The following FGF13 variants were observed in gnomAD, a reference collection of about 807,000 sequenced individuals.
FGF13 encodes the protein fibroblast growth factor 13.
FGF13 carries 2 observed loss-of-function variants against 19.5 expected under a neutral mutation model. That is an observed-to-expected ratio of 0.10 (90% CI 0.04 to 0.32). The LOEUF is 0.32. FGF13 is among the 10% of genes least tolerant of loss of function. The probability of loss-of-function intolerance (pLI) is 1.00; values close to 1 mark genes in which losing one functional copy is unlikely to be tolerated. For synonymous variants in FGF13, 72 were observed against 76.9 expected (o/e 0.94, Z 0.33); for missense variants, 113 against 192.7 (o/e 0.59, Z 2.45).
chrX:138,905,130 T>C (rs5976218), intron 1 of FGF13, among the ~76,000 whole-genome samples: 1,888 of 110,949 alleles, frequency 0.017, 45 homozygotes, highest in African/African-American at 0.057. Context: ...AGAATTCCCC[T>C]AAAATCTGGG....
chrX:139,124,653 C>G (rs961429575), intron 1 of FGF13, among the ~76,000 whole-genome samples: 2 of 111,981 alleles, frequency 1.8e-5, no homozygotes, highest in South Asian at 7.5e-4. Context: ...TCAACCTAGA[C>G]AGGTTACCTC....
rs757200977 is a variant in FGF13, at chrX:138,796,284, T to C, written c.217+61228A>G. On this transcript the variant is annotated intron_variant, in intron 3 of 6. Coordinates refer to the FGF13 transcript ENST00000436198. Reference sequence around the variant, plus strand: ...CCCTCCATGTGTCCATGTGTTCTTATTGTTCAACTCCCACTTATGAGTGAG... The same window carrying C: ...CCCTCCATGTGTCCATGTGTTCTTACTGTTCAACTCCCACTTATGAGTGAG... 1.8e-3 allele frequency among the ~76,000 whole-genome samples: 206 copies of C among 111,656 alleles called. 2 individuals are homozygous for C. Among genetic ancestry groups the C allele is most frequent in the African/African-American group, 6.5e-3 (201 of 30,708 alleles).
intron 1 of FGF13, among the ~76,000 whole-genome samples, chrX:138,915,155 G>A (rs1372827216): frequency 9.0e-6 from 1 of 111,251 alleles, no homozygotes; most frequent in East Asian, 2.8e-4. Flanking sequence ...GGATGACTGA[G>A]CTCCAGTTGC....
intron 3 of FGF13, among the ~76,000 whole-genome samples, chrX:138,690,421 C>T (rs1312355419): frequency 1.8e-5 from 2 of 110,805 alleles, no homozygotes; most frequent in African/African-American, 6.6e-5. Flanking sequence ...AAATATATCC[C>T]TGTGTCATTG....
chrX:138,919,268 G>A (rs2091632959), intron 1 of FGF13, among the ~76,000 whole-genome samples: 1 of 111,248 alleles, frequency 9.0e-6, no homozygotes, highest in African/African-American at 3.3e-5. Context: ...GCAAGAAAGA[G>A]GCCAAAAATC....
chrX:138,733,535 G>C (rs2090249242), intron 1 of FGF13, among the ~76,000 whole-genome samples: 1 of 111,411 alleles, frequency 9.0e-6, no homozygotes, highest in Admixed American at 9.6e-5. Flanking sequence ...ATCTGGGATA[G>C]GATGGCATTA....
intron 3 of FGF13, among the ~76,000 whole-genome samples, chrX:138,791,043 C>A (rs2090738528): frequency 8.9e-6 from 1 of 111,748 alleles, no homozygotes; most frequent in Admixed American, 9.5e-5. Flanking sequence ...TGTCAAGAAC[C>A]CCATAAATAT....
intron 3 of FGF13, among the ~76,000 whole-genome samples, chrX:138,791,439 T>C (rs1218053031): frequency 8.9e-6 from 1 of 112,620 alleles, no homozygotes; most frequent in Admixed American, 9.4e-5. Flanking sequence ...ATCTCTAGAA[T>C]GATAGCTAGG....
intron 1 of FGF13, among the ~76,000 whole-genome samples, chrX:138,989,726 A>C (rs2092007715): frequency 9.8e-6 from 1 of 101,763 alleles, no homozygotes; most frequent in African/African-American, 3.7e-5. Context: ...ATGACATGGA[A>C]AAACAATCAT....
chrX:139,064,508 T>G (rs1290945142), intron 1 of FGF13, among the ~76,000 whole-genome samples: 9 of 106,885 alleles, frequency 8.4e-5, no homozygotes, highest in African/African-American at 1.0e-4. Context: ...TTCACCTTGT[T>G]AGCCAGGATG....
At chrX:138,638,095 C>T (rs1468461990) in intron 3 of FGF13, among the ~76,000 whole-genome samples, 4 of 111,506 alleles carry the variant, frequency 3.6e-5, no homozygotes, top group Admixed American at 9.6e-5. Flanking sequence ...TACCTCTTCA[C>T]TGGACTGCTG....
rs550113954 is a variant in FGF13, at chrX:138,916,392, C to T, written c.-112-51742G>A. 1.7e-3 allele frequency among the ~76,000 whole-genome samples: 193 copies of T among 111,734 alleles called. 1 individual carries two copies. In the South Asian group the frequency reaches 0.027, roughly 16 times the overall value. On this transcript the variant is annotated intron_variant, in intron 1 of 2. Coordinates refer to the FGF13 transcript ENST00000421460. Reference sequence around the variant, plus strand: ...TAAACTAGATCAAAGAAGAAACAGTCTTCATTTAATGTGGGAAAGCTTACA... The same window carrying T: ...TAAACTAGATCAAAGAAGAAACAGTTTTCATTTAATGTGGGAAAGCTTACA...
chrX:139,171,659 G>T (rs1057460479), intron 1 of FGF13, among the ~76,000 whole-genome samples: 1 of 112,211 alleles, frequency 8.9e-6, no homozygotes, highest in Non-Finnish European at 1.9e-5. Flanking sequence ...TTCTAAATTG[G>T]ATGCTTTTTC....
intron 1 of FGF13, among the ~76,000 whole-genome samples, chrX:139,063,403 A>G (rs1474248339): frequency 1.8e-5 from 2 of 111,559 alleles, no homozygotes; most frequent in Non-Finnish European, 3.8e-5. Flanking sequence ...CCTTATAATT[A>G]GTTAGGACGG....
At chrX:138,653,737 T>G (rs7881635) in intron 3 of FGF13, among the ~76,000 whole-genome samples, 1,754 of 111,255 alleles carry the variant, frequency 0.016, 27 homozygotes, top group African/African-American at 0.054. Context: ...CTTCTGTATA[T>G]AAACTAACAG....
rs979236620 is a variant in FGF13, at chrX:138,969,827, G to A, written c.-112-105177C>T. ...TGACTATATCCATACAGCCATTGTC[G>A]TTTGTTGGCAGGCAAGTAGCTCAAA... On this transcript the variant is annotated intron_variant, in intron 1 of 2. Transcript: ENST00000421460. Among the ~76,000 whole-genome samples, 12 of 111,844 alleles carry A rather than the reference G, an allele frequency of 1.1e-4. 1 individual carries two copies. In the South Asian group the frequency reaches 1.1e-3, roughly 10 times the overall value.
intron 1 of FGF13, among the ~76,000 whole-genome samples, chrX:139,137,672 T>A (rs985356318): frequency 8.9e-6 from 1 of 112,487 alleles, no homozygotes; most frequent in Admixed American, 9.4e-5. Context: ...TTGCTAATTA[T>A]TCTTTCCTCA....
chrX:139,028,178 T>C (rs937515147), intron 1 of FGF13, among the ~76,000 whole-genome samples: 2 of 111,824 alleles, frequency 1.8e-5, no homozygotes, highest in Non-Finnish European at 3.8e-5. Flanking sequence ...AGCATTGCAC[T>C]AAAAAGATTT....
intron 3 of FGF13, among the ~76,000 whole-genome samples, chrX:138,794,238 C>A (rs2090761487): frequency 9.0e-6 from 1 of 111,691 alleles, no homozygotes; most frequent in Non-Finnish European, 1.9e-5. Flanking sequence ...TTGTCCCCAG[C>A]CAGTATTTTT....
Sources: allele counts gnomAD v4.1 joint callset (sites outside exome capture counted in the v4.1 genomes callset), GRCh38; gene constraint gnomAD v4.1.1; transcripts MANE v1.5; gene names NCBI Gene and HGNC (gene_info 2026-07-23, HGNC 2026-07-21).